Variants in SEMA3C observed in about 807,000 individuals in gnomAD.
SEMA3C encodes the protein semaphorin 3C, also known as semaphorin-3C.
In SEMA3C, 47 loss-of-function variants were observed where a neutral mutation model predicts 89.4. The observed-to-expected ratio is 0.53, with a 90% confidence interval of 0.42 to 0.67. The LOEUF (loss-of-function observed/expected upper bound fraction) is 0.67, where lower values mean the gene tolerates loss of function less well. SEMA3C is among the 30% of genes least tolerant of loss of function. The probability of loss-of-function intolerance (pLI) is 0.00; values close to 1 mark genes in which losing one functional copy is unlikely to be tolerated. For missense variants in SEMA3C, 839 were observed against 929.1 expected, an observed-to-expected ratio of 0.90 and a Z score of 1.26; for synonymous variants, 310 against 320.2, an observed-to-expected ratio of 0.97 and a Z score of 0.34.
chr7:80,835,197 T>C (rs1280387535), intron 2 of SEMA3C, among the ~76,000 whole-genome samples: 1 of 152,186 alleles, frequency 6.6e-6, no homozygotes, highest in Non-Finnish European at 1.5e-5. Flanking sequence ...ATTCATGATG[T>C]GTTATTAATT....
At chr7:80,909,765 A>G (rs181935022) in intron 2 of SEMA3C, among the ~76,000 whole-genome samples, 1 of 152,164 alleles carries the variant, frequency 6.6e-6, no homozygotes, top group African/African-American at 2.4e-5. Flanking sequence ...AAGGAAAGAC[A>G]AGACTAGTAT....
chr7:80,871,275 T>C (rs1243127564), intron 2 of SEMA3C, among the ~76,000 whole-genome samples: 1 of 152,192 alleles, frequency 6.6e-6, no homozygotes, highest in Non-Finnish European at 1.5e-5. Flanking sequence ...TCCTCTAACC[T>C]TCAGTACAAA....
At chr7:80,870,499 C>A (rs1227327169) in intron 2 of SEMA3C, among the ~76,000 whole-genome samples, 1 of 152,192 alleles carries the variant, frequency 6.6e-6, no homozygotes, top group Non-Finnish European at 1.5e-5. Flanking sequence ...GCGAATCCTC[C>A]TTGAAACTAG....
At chr7:80,754,957 G>GTTTTTTTTTTTTTTTTTTTTT (rs1368382376) in intron 15 of SEMA3C, among the ~76,000 whole-genome samples, 15 of 108,358 alleles carry the variant, frequency 1.4e-4, no homozygotes, top group South Asian at 3.3e-4. Context: ...GTTTTTTTTT[G>GTTTTTTTTTTTTTTTTTTTTT]TTTTTTTTTT....
upstream of SEMA3C, chr7:80,919,197 A>T (rs13229147): frequency 1.0e-6 from 1 of 985,048 alleles, no homozygotes; most frequent in Non-Finnish European, 1.2e-6. Context: ...GCCAGCCGCG[A>T]GGCCCCACCC....
At chr7:80,888,816 T>C (rs1456367518) in intron 2 of SEMA3C, among the ~76,000 whole-genome samples, 1 of 152,158 alleles carries the variant, frequency 6.6e-6, no homozygotes, top group Non-Finnish European at 1.5e-5. Flanking sequence ...TATCCCATAA[T>C]TTAATGTTAA....
intron 2 of SEMA3C, among the ~76,000 whole-genome samples, chr7:80,865,499 A>G (rs1001412246): frequency 6.6e-6 from 1 of 152,120 alleles, no homozygotes; most frequent in Admixed American, 6.6e-5. Flanking sequence ...TTAAGAATGC[A>G]TATCAAGTCC....
At chr7:80,898,281 G>A (rs533033633) in intron 2 of SEMA3C, among the ~76,000 whole-genome samples, 31 of 152,176 alleles carry the variant, frequency 2.0e-4, no homozygotes, top group African/African-American at 5.8e-4. Context: ...CAGGAGAATC[G>A]CTTGAACCCA....
intron 5 of SEMA3C, chr7:80,816,241 T>C (rs1789604900): frequency 6.6e-6 from 1 of 152,120 alleles, no homozygotes; most frequent in Non-Finnish European, 1.5e-5. Context: ...CCAATGAATA[T>C]CTATGAACAC....
intron 2 of SEMA3C, among the ~76,000 whole-genome samples, chr7:80,839,070 C>G (rs1790204534): frequency 6.6e-6 from 1 of 152,152 alleles, no homozygotes; most frequent in South Asian, 2.1e-4. Context: ...TGGATTCTAT[C>G]TCAGGGTAGG....
intron 2 of SEMA3C, among the ~76,000 whole-genome samples, chr7:80,849,315 AG>A (rs1790458254): frequency 6.6e-6 from 1 of 151,158 alleles, no homozygotes. Context: ...AGTGGCCATT[AG>A]TAAAACTCCG....
At chr7:80,814,155 T>C (rs1315073877) in intron 5 of SEMA3C, among the ~76,000 whole-genome samples, 1 of 150,740 alleles carries the variant, frequency 6.6e-6, no homozygotes, top group Non-Finnish European at 1.5e-5. Context: ...GTGGCCACGA[T>C]CTCAGCTCAC....
intron 2 of SEMA3C, among the ~76,000 whole-genome samples, chr7:80,895,447 C>A (rs1156882819): frequency 4.6e-5 from 7 of 152,186 alleles, no homozygotes; most frequent in South Asian, 2.1e-4. Context: ...ATGTTCACTG[C>A]ATCTAATGTT....
At chr7:80,800,463 A>T (rs1006630593) in intron 10 of SEMA3C, among the ~76,000 whole-genome samples, 2 of 152,168 alleles carry the variant, frequency 1.3e-5, no homozygotes, top group Admixed American at 6.5e-5. Flanking sequence ...CAAGTGCTCA[A>T]ATTATTTTAT....
intron 2 of SEMA3C, among the ~76,000 whole-genome samples, chr7:80,891,205 T>A (rs917509583): frequency 1.3e-5 from 2 of 152,202 alleles, no homozygotes; most frequent in African/African-American, 4.8e-5. Context: ...ATTTACTGAT[T>A]GTCCATAAGT....
intron 4 of SEMA3C, among the ~76,000 whole-genome samples, chr7:80,822,861 C>T (rs569517034): frequency 3.9e-4 from 59 of 152,234 alleles, no homozygotes; most frequent in African/African-American, 1.3e-3. Context: ...TCTCTAAACC[C>T]GGTGAAATGG....
At chr7:80,836,497 G>T (rs1790131556) in intron 2 of SEMA3C, among the ~76,000 whole-genome samples, 1 of 152,208 alleles carries the variant, frequency 6.6e-6, no homozygotes, top group South Asian at 2.1e-4. Flanking sequence ...GGCCAACATG[G>T]TGAAACCCCA....
At chr7:80,872,008 G>C (rs1490612052) in intron 2 of SEMA3C, among the ~76,000 whole-genome samples, 1 of 151,786 alleles carries the variant, frequency 6.6e-6, no homozygotes, top group African/African-American at 2.4e-5. Context: ...CCTGTCTAGA[G>C]ACCTTTAATT....
intron 12 of SEMA3C, 131 bp downstream of exon 12, chr7:80,789,175 T>A: frequency 1.5e-6 from 1 of 654,160 alleles, no homozygotes; most frequent in East Asian, 2.7e-5. Flanking sequence ...AGATTAAATA[T>A]CTCACTAAGG....
Sources: allele counts gnomAD v4.1 joint callset (sites outside exome capture counted in the v4.1 genomes callset), GRCh38; gene constraint gnomAD v4.1.1; transcripts MANE v1.5; gene names NCBI Gene and HGNC (gene_info 2026-07-23, HGNC 2026-07-21).